DNM3: variants seen among roughly 807,000 people sequenced by gnomAD.
DNM3 encodes dynamin-3.
In DNM3, 47 loss-of-function variants were observed where a neutral mutation model predicts 101.6. That is an observed-to-expected ratio of 0.46 (90% CI 0.37 to 0.59). The LOEUF is 0.59. Ranked by LOEUF, DNM3 falls within the 20% of genes least tolerant of loss-of-function variation. The probability of loss-of-function intolerance (pLI) is 0.00; values close to 1 mark genes in which losing one functional copy is unlikely to be tolerated. For synonymous variants in DNM3, 385 were observed against 387.9 expected (o/e 0.99, Z 0.09); for missense variants, 849 against 1,085.7 (o/e 0.78, Z 3.06).
At chr1:171,947,173 AACAGAT>A (rs2042223975) in intron 2 of DNM3, among the ~76,000 whole-genome samples, 1 of 152,164 alleles carries the variant, frequency 6.6e-6, no homozygotes, top group African/African-American at 2.4e-5. Context: ...AGGAACAGGG[AACAGAT>A]AGCTATTCCT....
Position 172,411,135 on chromosome 1 carries a change from T to C in DNM3, c.*3294T>C. ...ATGGTTGTAAATATCTATGTATACA[T>C]GTACTTAGTATGTGTGGTATCAGGA... On this transcript the variant is annotated 3_prime_UTR_variant, in exon 21 of 21. Transcript: ENST00000627582. 1 of 984,530 alleles carries C rather than the reference T, an allele frequency of 1.0e-6. No homozygotes were observed. The highest frequency in any genetic ancestry group is 1.2e-6 in the Non-Finnish European group (1 of 829,132). 61.0% of individuals were successfully genotyped at this position (984,530 alleles called of 1,614,324 possible).
At chr1:171,984,779 G>A (rs754460401) in intron 2 of DNM3, among the ~76,000 whole-genome samples, 1 of 152,152 alleles carries the variant, frequency 6.6e-6, no homozygotes, top group Non-Finnish European at 1.5e-5. Context: ...CAAGTAGAGT[G>A]ATCTCAATAA....
intron 11 of DNM3, 68 bp downstream of exon 11, chr1:172,068,973 G>A: frequency 7.3e-7 from 1 of 1,377,500 alleles, no homozygotes; most frequent in Non-Finnish European, 1.0e-6. Flanking sequence ...AAGGTTGTCT[G>A]GTAGTTCCCA....
In DNM3 at chr1:171,951,007, G is replaced by A. The variant is rs116703021; in HGVS notation, c.235+29186G>A. 9.8e-3 allele frequency among the ~76,000 whole-genome samples: 1,493 copies of A among 152,054 alleles called. 18 individuals are homozygous for A. The highest frequency in any genetic ancestry group is 0.033 in the African/African-American group (1,358 of 41,466). Reference sequence around the variant, plus strand: ...TGGGGAAAGGAGGGTGTGCTGTGTCGTCTGGTCATGCTTTGATTTCTGTTC... The same window carrying A: ...TGGGGAAAGGAGGGTGTGCTGTGTCATCTGGTCATGCTTTGATTTCTGTTC... On this transcript the variant is annotated intron_variant, in intron 2 of 20. Transcript: ENST00000627582.
chr1:172,322,505 C>G (rs765745307), intron 16 of DNM3, among the ~76,000 whole-genome samples: 2 of 152,208 alleles, frequency 1.3e-5, no homozygotes, highest in Non-Finnish European at 2.9e-5. Context: ...ATAAATCATA[C>G]TCTTGCAGCT....
chr1:171,889,279 G>A (rs1434185308), intron 1 of DNM3, among the ~76,000 whole-genome samples: 2 of 151,940 alleles, frequency 1.3e-5, no homozygotes, highest in African/African-American at 2.4e-5. Flanking sequence ...GTGCTTGGCC[G>A]TGAATTTAAA....
At chr1:172,216,758 C>A (rs2060715409) in intron 14 of DNM3, among the ~76,000 whole-genome samples, 1 of 140,268 alleles carries the variant, frequency 7.1e-6, no homozygotes. Flanking sequence ...CACACATGCA[C>A]ACACACACAC....
chr1:172,046,217 A>G (rs1340618327), intron 9 of DNM3, among the ~76,000 whole-genome samples: 1 of 152,168 alleles, frequency 6.6e-6, no homozygotes, highest in Non-Finnish European at 1.5e-5. Flanking sequence ...ATGGAATACT[A>G]TGCAGCCATA....
intron 15 of DNM3, among the ~76,000 whole-genome samples, chr1:172,296,041 G>A (rs183613626): frequency 1.5e-5 from 2 of 133,214 alleles, no homozygotes; most frequent in Admixed American, 7.4e-5. Flanking sequence ...AACCATTGAT[G>A]GAGAATCACT....
At chr1:172,005,621 C>T (rs575490622) in intron 4 of DNM3, among the ~76,000 whole-genome samples, 36 of 152,124 alleles carry the variant, frequency 2.4e-4, no homozygotes, top group Non-Finnish European at 3.8e-4. Flanking sequence ...GCCGTGTTAC[C>T]TACACAATTG....
At chr1:172,122,895 C>T (rs937136806) in intron 13 of DNM3, among the ~76,000 whole-genome samples, 2 of 152,100 alleles carry the variant, frequency 1.3e-5, no homozygotes, top group East Asian at 1.9e-4. Context: ...CCTCACCTAT[C>T]GGGGAGGAAA....
chr1:172,295,937 A>G (rs560638010), intron 15 of DNM3, among the ~76,000 whole-genome samples: 2 of 152,374 alleles, frequency 1.3e-5, no homozygotes, highest in East Asian at 1.9e-4. Flanking sequence ...TTGAAATACT[A>G]TACAAAAATA....
chr1:172,005,084 C>T (rs2046595779), intron 4 of DNM3, among the ~76,000 whole-genome samples: 1 of 152,032 alleles, frequency 6.6e-6, no homozygotes, highest in East Asian at 1.9e-4. Flanking sequence ...ACTCTGGAGC[C>T]AAACTGTCTG....
At chr1:171,957,796 C>T (rs1347438961) in intron 2 of DNM3, among the ~76,000 whole-genome samples, 1 of 152,136 alleles carries the variant, frequency 6.6e-6, no homozygotes, top group Non-Finnish European at 1.5e-5. Flanking sequence ...GCCTGGATTT[C>T]ATTGTCTGCA....
intron 18 of DNM3, chr1:172,381,093 T>TGAAA (rs1375934063): frequency 1.1e-4 from 16 of 144,056 alleles, no homozygotes; most frequent in East Asian, 2.1e-4. Flanking sequence ...ACACACACAC[T>TGAAA]GAAAGAAAGA....
intron 1 of DNM3, among the ~76,000 whole-genome samples, chr1:171,865,525 A>ATT (rs2034648024): frequency 1.1e-4 from 16 of 150,542 alleles, no homozygotes; most frequent in Non-Finnish European, 2.2e-4. Context: ...CAAAAAAAAA[A>ATT]AAAAAAAAAA....
intron 12 of DNM3, among the ~76,000 whole-genome samples, chr1:172,089,543 CTTTTT>C (rs1361820730): frequency 6.6e-6 from 1 of 152,080 alleles, no homozygotes; most frequent in Non-Finnish European, 1.5e-5. Context: ...AAGCAGGCAG[CTTTTT>C]TTGTTGTTGT....
chr1:171,997,031 C>CA (rs113315153), intron 4 of DNM3, among the ~76,000 whole-genome samples: 2,191 of 139,984 alleles, frequency 0.016, 48 homozygotes, highest in African/African-American at 0.051. Flanking sequence ...GACCTTGTCT[C>CA]AAAAAAAAAA....
intron 2 of DNM3, chr1:171,970,275 G>C: frequency 2.8e-6 from 1 of 359,766 alleles, no homozygotes; most frequent in Non-Finnish European, 3.9e-6. Flanking sequence ...ACATTTTAAG[G>C]GTAACATTTT....
Sources: allele counts gnomAD v4.1 joint callset (sites outside exome capture counted in the v4.1 genomes callset), GRCh38; gene constraint gnomAD v4.1.1; transcripts MANE v1.5; gene names NCBI Gene and HGNC (gene_info 2026-07-23, HGNC 2026-07-21).